ZEB1: variants seen among roughly 807,000 people sequenced by gnomAD.
ZEB1 encodes the protein zinc finger E-box binding homeobox 1.
A neutral mutation model predicts 84.9 loss-of-function variants in ZEB1; 21 were observed. The ratio of observed to expected loss-of-function variants is 0.25; its 90% CI spans 0.18 to 0.36. The LOEUF (loss-of-function observed/expected upper bound fraction) is 0.36. ZEB1 is among the 10% of genes least tolerant of loss of function. ZEB1 has a pLI of 1.00. For synonymous variants in ZEB1, 420 were observed against 471.1 expected (o/e 0.89, Z 1.41); for missense variants, 1,104 against 1,330.2 (o/e 0.83, Z 2.65).
Position 31,453,615 on chromosome 10 carries a change from T to C in ZEB1, c.59-7422T>C, listed in dbSNP as rs1253754461. On this transcript the variant is annotated intron_variant, in intron 1 of 8. Transcript: ENST00000424869. ...GCTAAAAATAATATGTGAAAGTTCT[T>C]GTAAAGATTTATTGACCTCGCAAAT... Among the ~76,000 whole-genome samples the C allele has an allele frequency of 3.3e-5, 5 of 152,018 alleles. No homozygotes were observed. In the East Asian group the frequency reaches 9.6e-4, roughly 29 times the overall value.
chr10:31,410,220 G>C (rs924175294), intron 1 of ZEB1, among the ~76,000 whole-genome samples: 1 of 151,886 alleles, frequency 6.6e-6, no homozygotes, highest in African/African-American at 2.4e-5. Context: ...TGGCATGAAC[G>C]GGTGTTGAAT....
At chr10:31,442,564 TAATAAAA>T (rs2059157340) in intron 1 of ZEB1, among the ~76,000 whole-genome samples, 1 of 139,918 alleles carries the variant, frequency 7.1e-6, no homozygotes, top group African/African-American at 3.1e-5. Flanking sequence ...ATAATAATAA[TAATAAAA>T]AAAAAAGAAA....
intron 1 of ZEB1, among the ~76,000 whole-genome samples, chr10:31,338,877 T>C: frequency 6.6e-6 from 1 of 152,262 alleles, no homozygotes; most frequent in East Asian, 1.9e-4. Flanking sequence ...TTGATATTTA[T>C]ACATCATAAA....
At chr10:31,344,778 AT>A (rs755154314) in intron 1 of ZEB1, among the ~76,000 whole-genome samples, 8 of 152,112 alleles carry the variant, frequency 5.3e-5, no homozygotes, top group Non-Finnish European at 1.2e-4. Flanking sequence ...TATCCTGGAC[AT>A]TTTAACTTGT....
intron 1 of ZEB1, among the ~76,000 whole-genome samples, chr10:31,452,483 C>T (rs977408797): frequency 3.9e-5 from 6 of 152,086 alleles, no homozygotes; most frequent in African/African-American, 1.4e-4. Flanking sequence ...CTATGAATTA[C>T]CACATGACCT....
At chr10:31,410,553 TGTTCGAGATA>T (rs2135758748) in intron 1 of ZEB1, among the ~76,000 whole-genome samples, 1 of 152,306 alleles carries the variant, frequency 6.6e-6, no homozygotes, top group South Asian at 2.1e-4. Context: ...CTTTTTCTGT[TGTTCGAGATA>T]GTTTCAGAAG....
At chr10:31,429,683 T>G (rs1215526195) in intron 1 of ZEB1, among the ~76,000 whole-genome samples, 1 of 88,448 alleles carries the variant, frequency 1.1e-5, no homozygotes, top group Admixed American at 1.2e-4. Context: ...ATTTAAAAGT[T>G]AAAAAAAAAA....
chr10:31,518,129 TTAAAATAG>T (rs1341432182), intron 6 of ZEB1, among the ~76,000 whole-genome samples: 1 of 152,172 alleles, frequency 6.6e-6, no homozygotes, highest in Non-Finnish European at 1.5e-5. Context: ...ATTAAAAGTG[TTAAAATAG>T]AGATGTACTA....
chr10:31,319,940 G>C (rs1448207664), intron 1 of ZEB1: 2 of 147,674 alleles, frequency 1.4e-5, no homozygotes, highest in African/African-American at 4.9e-5. Flanking sequence ...CGTGGGGTTT[G>C]TGCGCGCGTG....
chr10:31,332,796 A>T (rs1427970464), intron 1 of ZEB1, among the ~76,000 whole-genome samples: 1 of 152,136 alleles, frequency 6.6e-6, no homozygotes, highest in East Asian at 1.9e-4. Context: ...TTAGTGCTTG[A>T]TTTATGCATC....
intron 1 of ZEB1, among the ~76,000 whole-genome samples, chr10:31,388,312 A>G (rs2049007145): frequency 6.6e-6 from 1 of 152,134 alleles, no homozygotes; most frequent in South Asian, 2.1e-4. Context: ...CTTTTCTTAA[A>G]GCTCTTAAAG....
chr10:31,392,984 A>C (rs1038294054), intron 1 of ZEB1, among the ~76,000 whole-genome samples: 3 of 151,942 alleles, frequency 2.0e-5, no homozygotes, highest in Admixed American at 1.3e-4. Flanking sequence ...ACAGGTGTGC[A>C]CCAAGATGCT....
intron 1 of ZEB1, among the ~76,000 whole-genome samples, chr10:31,357,247 C>G (rs943283062): frequency 1.3e-5 from 2 of 152,132 alleles, no homozygotes; most frequent in Non-Finnish European, 2.9e-5. Context: ...TCATATGCTT[C>G]AGAACATACT....
chr10:31,442,322 A>G (rs1401734535), intron 1 of ZEB1, among the ~76,000 whole-genome samples: 3 of 151,098 alleles, frequency 2.0e-5, no homozygotes, highest in Non-Finnish European at 4.4e-5. Context: ...AAAACCAAAC[A>G]CTGTACGTTC....
At chr10:31,319,442 C>T (rs2033078636) in intron 1 of ZEB1, 150 bp downstream of exon 1, 4 of 727,044 alleles carry the variant, frequency 5.5e-6, no homozygotes, top group African/African-American at 1.8e-5. Flanking sequence ...GTGCTCTCTG[C>T]CCCCCTCCGC....
At chr10:31,478,893 A>T (rs1333044058) in intron 2 of ZEB1, among the ~76,000 whole-genome samples, 1 of 151,734 alleles carries the variant, frequency 6.6e-6, no homozygotes, top group Non-Finnish European at 1.5e-5. Context: ...GATTTTTATA[A>T]TTCGAATTTA....
chr10:31,327,752 C>A (rs2035890876), intron 1 of ZEB1, among the ~76,000 whole-genome samples: 1 of 152,050 alleles, frequency 6.6e-6, no homozygotes, highest in African/African-American at 2.4e-5. Context: ...AACAGCAACA[C>A]CATTTTTTAC....
At chr10:31,489,477 TGTTTTATGTTTGGATTTGGG>T (rs1421014573) in intron 2 of ZEB1, among the ~76,000 whole-genome samples, 2 of 151,516 alleles carry the variant, frequency 1.3e-5, no homozygotes, top group East Asian at 3.9e-4. Context: ...TTTCATAAAA[TGTTTTATGTTTGGATTTGGG>T]TTTATCATTT....
intron 2 of ZEB1, among the ~76,000 whole-genome samples, chr10:31,463,481 G>A (rs988490907): frequency 2.0e-5 from 3 of 152,196 alleles, no homozygotes; most frequent in Non-Finnish European, 4.4e-5. Context: ...CCAGTGAAAT[G>A]TAAGGTGATT....
Sources: allele counts gnomAD v4.1 joint callset (sites outside exome capture counted in the v4.1 genomes callset), GRCh38; gene constraint gnomAD v4.1.1; transcripts MANE v1.5; gene names NCBI Gene and HGNC (gene_info 2026-07-23, HGNC 2026-07-21).